The following PARD3B variants were observed in gnomAD, a reference collection of about 807,000 sequenced individuals.
PARD3B encodes the protein partitioning defective 3 homolog B.
PARD3B carries 103 observed loss-of-function variants against 130.2 expected under a neutral mutation model. That is an observed-to-expected ratio of 0.79 (90% CI 0.67 to 0.93). PARD3B has a LOEUF of 0.93. Among genes scored for constraint, PARD3B ranks in the 40% least tolerant of loss-of-function variants. The pLI, the probability that PARD3B is intolerant of heterozygous loss-of-function variation, is 0.00. For synonymous variants in PARD3B, 583 were observed against 553.2 expected (o/e 1.05, Z -0.76); for missense variants, 1,609 against 1,499.2 (o/e 1.07, Z -1.21).
rs200930899 is a variant in PARD3B at position 204,943,177 on chromosome 2, C to CATAT, written c.223-21966_223-21963dup. Among the ~76,000 whole-genome samples the CATAT allele has an allele frequency of 6.6e-6, 1 of 151,194 alleles. No homozygotes were observed. Among genetic ancestry groups the CATAT allele is most frequent in the Non-Finnish European group, 1.5e-5 (1 of 67,772 alleles). On this transcript the variant is annotated intron_variant, in intron 2 of 22. Coordinates refer to ENST00000406610, the MANE Select transcript of PARD3B (RefSeq NM_001302769.2). The surrounding 1 kb of genome is among the most constrained non-coding windows in gnomAD (Gnocchi z 4.2). Reference sequence around the variant, plus strand: ...GTATGTGTGTGTGTGTATGTGTATGCATATATATATATGTGTGTGTATATA... The same window carrying CATAT: ...GTATGTGTGTGTGTGTATGTGTATGCATATATATATATATATGTGTGTGTATATA...
intron 2 of PARD3B, among the ~76,000 whole-genome samples, chr2:204,788,564 C>T (rs1391889081): frequency 6.6e-6 from 1 of 152,144 alleles, no homozygotes; most frequent in East Asian, 1.9e-4. Flanking sequence ...TTGGATGTCC[C>T]ATCATTTCTG....
chr2:204,936,745 T>G (rs1688490143), intron 2 of PARD3B, among the ~76,000 whole-genome samples: 1 of 152,230 alleles, frequency 6.6e-6, no homozygotes, highest in African/African-American at 2.4e-5. Context: ...AATACAAATC[T>G]GTCTAATGTT....
At chr2:204,807,969 T>G (rs1327216524) in intron 2 of PARD3B, among the ~76,000 whole-genome samples, 1 of 151,986 alleles carries the variant, frequency 6.6e-6, no homozygotes, top group Non-Finnish European at 1.5e-5. Context: ...ATAACTGGCA[T>G]GTCTGTAACA....
intron 21 of PARD3B, among the ~76,000 whole-genome samples, chr2:205,513,280 C>G (rs892564879): frequency 3.9e-5 from 6 of 151,982 alleles, no homozygotes; most frequent in African/African-American, 1.4e-4. Flanking sequence ...CGTGTGGTTC[C>G]AGAACTATGT....
chr2:204,556,611 G>A (rs537477977), intron 1 of PARD3B, among the ~76,000 whole-genome samples: 33 of 152,280 alleles, frequency 2.2e-4, no homozygotes, highest in Middle Eastern at 3.4e-3. Flanking sequence ...AAAGTTGAGC[G>A]TAGCCTGGAG....
In PARD3B at chr2:205,383,125, T is replaced by TAGAG. The variant is rs1559038940; in HGVS notation, c.2631-17885_2631-17884insGAGA. Among the ~76,000 whole-genome samples, 61 of 149,390 alleles carry TAGAG rather than the reference T, an allele frequency of 4.1e-4. 2 individuals are homozygous for TAGAG. The highest frequency in any genetic ancestry group is 3.5e-3 in the Middle Eastern group (1 of 288). On this transcript the variant is annotated intron_variant, in intron 18 of 22. Coordinates refer to ENST00000406610, the MANE Select transcript of PARD3B (RefSeq NM_001302769.2). ...ATAGATAGATAGATAGATAGATAGA[T>TAGAG]AGATAGATAGATAGATCGATCTAAA... is the stretch of plus-strand genomic sequence containing the variant.
In PARD3B at chr2:205,015,794, T is replaced by C. The variant is rs1696102987; in HGVS notation, c.395-31787T>C. Among the ~76,000 whole-genome samples, 1 of 152,202 alleles carries C rather than the reference T, an allele frequency of 6.6e-6. No homozygotes were observed. The highest frequency in any genetic ancestry group is 1.5e-5 in the Non-Finnish European group (1 of 68,040). ...CATGCCCAGGCCTCAGCACCTTGCC[T>C]GGCACACAGCTGTTCAATGAGTTAT... On this transcript the variant is annotated intron_variant, in intron 3 of 22. Coordinates refer to ENST00000406610, the MANE Select transcript of PARD3B (RefSeq NM_001302769.2). This position sits in a 1 kb window ranked among gnomAD's most constrained non-coding sequence, Gnocchi z 4.5.
intron 2 of PARD3B, among the ~76,000 whole-genome samples, chr2:204,884,366 T>G (rs2046194325): frequency 6.6e-6 from 1 of 152,238 alleles, no homozygotes; most frequent in African/African-American, 2.4e-5. Context: ...GCATGTTTTC[T>G]TTTTAAAATT....
At chr2:204,826,702 T>C (rs929197933) in intron 2 of PARD3B, among the ~76,000 whole-genome samples, 5 of 152,176 alleles carry the variant, frequency 3.3e-5, no homozygotes, top group Non-Finnish European at 5.9e-5. Context: ...ATCACATCTT[T>C]CATTTTGTTT....
intron 3 of PARD3B, among the ~76,000 whole-genome samples, chr2:204,974,072 C>T (rs967035450): frequency 2.6e-5 from 4 of 152,100 alleles, no homozygotes; most frequent in Admixed American, 6.5e-5. Context: ...AAATGTTGAT[C>T]GCTATCAGAA....
At chr2:204,819,158 A>G (rs2043245262) in intron 2 of PARD3B, among the ~76,000 whole-genome samples, 1 of 152,194 alleles carries the variant, frequency 6.6e-6, no homozygotes, top group African/African-American at 2.4e-5. Context: ...GCATTACTGC[A>G]CATTGTAGAT....
intron 2 of PARD3B, among the ~76,000 whole-genome samples, chr2:204,737,056 C>T (rs1332800959): frequency 1.3e-5 from 2 of 152,194 alleles, no homozygotes; most frequent in Admixed American, 1.3e-4. Context: ...AAGTGATTCT[C>T]CTGCTTCAGC....
intron 1 of PARD3B, among the ~76,000 whole-genome samples, chr2:204,583,475 T>A (rs1574497868): frequency 1.3e-5 from 1 of 74,736 alleles, no homozygotes; most frequent in Admixed American, 1.4e-4. Context: ...GGGACTGTGG[T>A]GGGGTGGGGG....
chr2:205,384,025 G>GT (rs1274313397), intron 18 of PARD3B, among the ~76,000 whole-genome samples: 1 of 151,968 alleles, frequency 6.6e-6, no homozygotes, highest in Non-Finnish European at 1.5e-5. Context: ...TTGAAACTAT[G>GT]TTTTTTATCT....
At chr2:204,579,749 C>T (rs56057593) in intron 1 of PARD3B, among the ~76,000 whole-genome samples, 2,803 of 152,356 alleles carry the variant, frequency 0.018, 34 homozygotes, top group Non-Finnish European at 0.027. Context: ...TTCCTCCCCT[C>T]TACCCAGGGT....
intron 19 of PARD3B, among the ~76,000 whole-genome samples, chr2:205,414,361 A>G (rs1308088319): frequency 6.6e-6 from 1 of 152,208 alleles, no homozygotes; most frequent in Non-Finnish European, 1.5e-5. Flanking sequence ...AAGAGAAGAT[A>G]TTCAGTAAAG....
intron 22 of PARD3B, among the ~76,000 whole-genome samples, chr2:205,561,045 G>A (rs1384412426): frequency 6.6e-6 from 1 of 152,162 alleles, no homozygotes; most frequent in Non-Finnish European, 1.5e-5. Flanking sequence ...AATCACAAGT[G>A]CGCAGGTAAC....
rs144592948 is a variant in PARD3B, at chr2:204,864,824, T to G, written c.223-100328T>G. Among the ~76,000 whole-genome samples the G allele has an allele frequency of 4.0e-4, 61 of 152,278 alleles. No individual in the cohort carries two copies. The East Asian group carries it at 0.012, about 29-fold the overall frequency. ...TCACATGTGTAAGTGAGTGCTTTGA[T>G]AGATTACTGGCCTCTGTGCATTAGA... On this transcript the variant is annotated intron_variant, in intron 2 of 22. Coordinates refer to ENST00000406610, the MANE Select transcript of PARD3B (RefSeq NM_001302769.2).
At chr2:204,612,060 T>C (rs905081243) in intron 1 of PARD3B, among the ~76,000 whole-genome samples, 3 of 152,240 alleles carry the variant, frequency 2.0e-5, no homozygotes, top group African/African-American at 4.8e-5. Context: ...AGATGTCATA[T>C]TGATTATTCT....
Sources: gnomAD v4.1 joint callset for allele counts (sites outside exome capture counted in the v4.1 genomes callset) on GRCh38, gnomAD v4.1.1 for gene constraint, Gnocchi (gnomAD v3.1) non-coding constraint, MANE v1.5 for transcripts, NCBI Gene and HGNC (gene_info 2026-07-23, HGNC 2026-07-21) for gene names.